The following TENM3 variants were observed in gnomAD, a reference collection of about 807,000 sequenced individuals.
TENM3 encodes teneurin transmembrane protein 3.
A neutral mutation model predicts 255.1 loss-of-function variants in TENM3; 63 were observed. The ratio of observed to expected loss-of-function variants is 0.25; its 90% CI spans 0.20 to 0.30. The LOEUF (loss-of-function observed/expected upper bound fraction) is 0.30. Ranked by LOEUF, TENM3 falls within the 10% of genes least tolerant of loss-of-function variation. TENM3 has a pLI of 1.00. For missense variants in TENM3, 2,929 were observed against 3,461.1 expected, an observed-to-expected ratio of 0.85 and a Z score of 3.86; for synonymous variants, 1,306 against 1,322.3, an observed-to-expected ratio of 0.99 and a Z score of 0.27.
At chr4:181,614,426 A>G in the TENM3 span, among the ~76,000 whole-genome samples, 3 of 152,234 alleles carry the variant, frequency 2.0e-5, no homozygotes, top group Non-Finnish European at 1.5e-5. Context: ...AAATGTATTT[A>G]CAATTCTGAT....
chr4:181,498,899 C>A, the TENM3 span, among the ~76,000 whole-genome samples: 4 of 152,052 alleles, frequency 2.6e-5, no homozygotes, highest in Admixed American at 2.0e-4. Flanking sequence ...TATCTTTTTT[C>A]TTTTTACTGT....
the TENM3 span, among the ~76,000 whole-genome samples, chr4:181,447,706 G>A: frequency 1.3e-5 from 2 of 152,154 alleles, no homozygotes; most frequent in Non-Finnish European, 2.9e-5. Context: ...GGCACAACCC[G>A]CTGTGTTTGC....
chr4:182,561,897 T>A (rs1743217428), intron 3 of TENM3, among the ~76,000 whole-genome samples: 1 of 151,976 alleles, frequency 6.6e-6, no homozygotes, highest in Admixed American at 6.6e-5. Flanking sequence ...ATAGCAAAAC[T>A]GCAATTACTT....
At chr4:181,792,818 C>T in the TENM3 span, among the ~76,000 whole-genome samples, 1 of 152,124 alleles carries the variant, frequency 6.6e-6, no homozygotes, top group South Asian at 2.1e-4. Flanking sequence ...CCCTATTGAG[C>T]AGCATCTCTG....
intron 22 of TENM3, among the ~76,000 whole-genome samples, chr4:182,765,798 T>C (rs1263271683): frequency 2.0e-5 from 3 of 152,182 alleles, no homozygotes; most frequent in Non-Finnish European, 4.4e-5. Context: ...TAATTAAAAA[T>C]CACTTCCTAT....
chr4:182,561,446 TA>T (rs898275621), intron 3 of TENM3, among the ~76,000 whole-genome samples: 55 of 147,270 alleles, frequency 3.7e-4, no homozygotes, highest in East Asian at 7.9e-4. Context: ...ATTTGTATAT[TA>T]AAAAAAAAAG....
the TENM3 span, among the ~76,000 whole-genome samples, chr4:181,745,562 C>T: frequency 1.3e-5 from 2 of 152,036 alleles, no homozygotes; most frequent in African/African-American, 4.8e-5. Context: ...GGGATCAGGC[C>T]TACAGCAAGA....
chr4:181,476,943 G>A, the TENM3 span, among the ~76,000 whole-genome samples: 1,310 of 152,226 alleles, frequency 8.6e-3, 20 homozygotes, highest in African/African-American at 0.03. Context: ...TTCCACACCT[G>A]TGTTATCACA....
chr4:181,576,032 G>A, the TENM3 span, among the ~76,000 whole-genome samples: 9 of 152,198 alleles, frequency 5.9e-5, no homozygotes, highest in African/African-American at 2.2e-4. Flanking sequence ...GGTGAAGCCA[G>A]AGCTTTCAGT....
At chr4:182,775,222 G>T (rs939778075) in intron 24 of TENM3, 69 bp downstream of exon 24, 2 of 1,427,486 alleles carry the variant, frequency 1.4e-6, no homozygotes, top group Non-Finnish European at 2.0e-6. Context: ...CTGAGGGCAG[G>T]TTGCGTCTCC....
At chr4:182,559,628 T>A (rs1742938304) in intron 3 of TENM3, among the ~76,000 whole-genome samples, 1 of 152,132 alleles carries the variant, frequency 6.6e-6, no homozygotes, top group Non-Finnish European at 1.5e-5. Flanking sequence ...TTTCTATTGA[T>A]TTTTTTAATG....
chr4:182,758,983 A>C (rs1416604450), intron 22 of TENM3, among the ~76,000 whole-genome samples: 1 of 152,208 alleles, frequency 6.6e-6, no homozygotes, highest in Non-Finnish European at 1.5e-5. Flanking sequence ...CCTTGAGATT[A>C]AAGCTTTTGT....
At chr4:181,515,608 T>C in the TENM3 span, among the ~76,000 whole-genome samples, 1 of 152,072 alleles carries the variant, frequency 6.6e-6, no homozygotes, top group African/African-American at 2.4e-5. Flanking sequence ...GCTTGAGAGT[T>C]CGAATTGTGT....
At chr4:181,551,540 T>A in the TENM3 span, among the ~76,000 whole-genome samples, 1 of 152,180 alleles carries the variant, frequency 6.6e-6, no homozygotes, top group Non-Finnish European at 1.5e-5. Context: ...CCACTGGCAC[T>A]TTTCCTGGGG....
At chr4:181,931,482 G>T in the TENM3 span, among the ~76,000 whole-genome samples, 1 of 151,904 alleles carries the variant, frequency 6.6e-6, no homozygotes, top group African/African-American at 2.4e-5. Context: ...CTCTTCAAGG[G>T]GAACTACAAA....
At chr4:181,608,690 G>A in the TENM3 span, among the ~76,000 whole-genome samples, 11 of 152,152 alleles carry the variant, frequency 7.2e-5, no homozygotes, top group African/African-American at 4.8e-5. Flanking sequence ...CTTCCCTTTG[G>A]TGTGTAGAAG....
chr4:182,377,032 G>A (rs17073199), intron 3 of TENM3, among the ~76,000 whole-genome samples: 3,113 of 152,232 alleles, frequency 0.02, 70 homozygotes, highest in Middle Eastern at 0.048. Flanking sequence ...TGTTGTCCCA[G>A]TGTAATCCGT....
chr4:182,069,756 A>G, the TENM3 span, among the ~76,000 whole-genome samples: 107,745 of 151,438 alleles, frequency 0.71, 39,027 homozygotes, highest in East Asian at 0.87. Context: ...GAATCAGGTC[A>G]TGACAGCTCT....
At chr4:181,913,799 C>T in the TENM3 span, among the ~76,000 whole-genome samples, 4 of 152,160 alleles carry the variant, frequency 2.6e-5, no homozygotes, top group South Asian at 4.1e-4. Context: ...ACTCAGAACT[C>T]ATTGTACTTA....
Sources: gnomAD v4.1 joint callset for allele counts (sites outside exome capture counted in the v4.1 genomes callset) on GRCh38, gnomAD v4.1.1 for gene constraint, MANE v1.5 for transcripts, NCBI Gene and HGNC (gene_info 2026-07-23, HGNC 2026-07-21) for gene names.